The following TMTC2 variants were observed in gnomAD, a reference collection of about 807,000 sequenced individuals.
TMTC2 encodes the protein protein O-mannosyl-transferase TMTC2.
Under a neutral mutation model 82.4 loss-of-function variants are expected in TMTC2, and 43 were observed. That is an observed-to-expected ratio of 0.52 (90% confidence interval 0.41 to 0.67). The LOEUF is 0.67. TMTC2 is among the 30% of genes least tolerant of loss of function. The pLI, the probability that TMTC2 is intolerant of heterozygous loss-of-function variation, is 0.00. For synonymous variants in TMTC2, 408 were observed against 381.9 expected, an observed-to-expected ratio of 1.07 and a Z score of -0.80; for missense variants, 919 against 1,012.4, an observed-to-expected ratio of 0.91 and a Z score of 1.25.
chr12:82,802,217 A>C (rs1451292192), intron 1 of TMTC2, among the ~76,000 whole-genome samples: 1 of 152,154 alleles, frequency 6.6e-6, no homozygotes, highest in East Asian at 1.9e-4. Context: ...CTGCTGGCTC[A>C]GGTCCTAGGC....
At chr12:82,998,970 TCA>T (rs1879795463) in intron 8 of TMTC2, among the ~76,000 whole-genome samples, 1 of 152,188 alleles carries the variant, frequency 6.6e-6, no homozygotes, top group Non-Finnish European at 1.5e-5. Context: ...ATTCCCACAC[TCA>T]GTTTCCCCTA....
At chr12:83,014,532 G>T (rs905827724) in intron 8 of TMTC2, among the ~76,000 whole-genome samples, 1 of 152,106 alleles carries the variant, frequency 6.6e-6, no homozygotes, top group Non-Finnish European at 1.5e-5. Context: ...TAGAGACAGG[G>T]TTTCACATGT....
At chr12:82,978,665 G>A (rs889060030) in intron 7 of TMTC2, among the ~76,000 whole-genome samples, 1 of 151,760 alleles carries the variant, frequency 6.6e-6, no homozygotes, top group African/African-American at 2.4e-5. Flanking sequence ...GTATTCTGCA[G>A]CCATTGCAAG....
At chr12:82,983,814 A>G (rs1159260279) in intron 7 of TMTC2, among the ~76,000 whole-genome samples, 2 of 151,968 alleles carry the variant, frequency 1.3e-5, no homozygotes, top group Non-Finnish European at 2.9e-5. Flanking sequence ...ATATGTGGAT[A>G]TGTTTTCTCA....
At chr12:82,798,741 A>G (rs1878850990) in intron 1 of TMTC2, among the ~76,000 whole-genome samples, 1 of 142,154 alleles carries the variant, frequency 7.0e-6, no homozygotes, top group Non-Finnish European at 1.5e-5. Flanking sequence ...CGGAAGGCGG[A>G]GGTTGTATTG....
At position 82,811,807 on chromosome 12, in the gene TMTC2, CTTTTTTTTTT is replaced by C. The variant is rs1171596880; in HGVS notation, c.84-45186_84-45177del. On this transcript the variant is annotated intron_variant, in intron 1 of 11. Transcript: ENST00000321196. ...AAGTTTTCTTTTCCATGCTCTCCTT[CTTTTTTTTTT>C]TTTTTTTTTTTTTTTTCTGAGATGG... is the stretch of plus-strand genomic sequence containing the variant. Among the ~76,000 whole-genome samples, 186 of 91,088 alleles carry C rather than the reference CTTTTTTTTTT, an allele frequency of 2.0e-3. 1 individual carries two copies. The highest frequency in any genetic ancestry group is 7.1e-3 in the African/African-American group (159 of 22,474). The allele number at this position is 91,088 out of a possible 152,430, so 59.8% of individuals were successfully genotyped here.
chr12:83,131,543 A>G (rs1199719027), intron 11 of TMTC2, among the ~76,000 whole-genome samples: 1 of 152,144 alleles, frequency 6.6e-6, no homozygotes, highest in Non-Finnish European at 1.5e-5. Flanking sequence ...TTTCTCTGCC[A>G]TATTTTATCT....
chr12:82,724,535 G>A (rs1592875616), intron 1 of TMTC2, among the ~76,000 whole-genome samples: 1 of 152,266 alleles, frequency 6.6e-6, no homozygotes, highest in East Asian at 1.9e-4. Flanking sequence ...TGAAGAAGGT[G>A]CTTGCCTCTT....
chr12:82,926,734 G>A (rs1188193882), intron 3 of TMTC2, among the ~76,000 whole-genome samples: 1 of 152,154 alleles, frequency 6.6e-6, no homozygotes, highest in Non-Finnish European at 1.5e-5. Context: ...ACCTTCAGTA[G>A]AAGCCATTGG....
chr12:83,063,354 A>C (rs148577438), intron 11 of TMTC2, among the ~76,000 whole-genome samples: 5 of 151,658 alleles, frequency 3.3e-5, no homozygotes. Flanking sequence ...TTGGGTGGCT[A>C]TTCTGAATGC....
At chr12:83,012,229 A>G (rs1243834099) in intron 8 of TMTC2, among the ~76,000 whole-genome samples, 3 of 152,178 alleles carry the variant, frequency 2.0e-5, no homozygotes, top group Non-Finnish European at 4.4e-5. Flanking sequence ...GTATTTGTTG[A>G]ACAAAATACA....
intron 4 of TMTC2, among the ~76,000 whole-genome samples, chr12:82,944,945 C>A (rs1200050402): frequency 6.6e-6 from 1 of 152,188 alleles, no homozygotes; most frequent in Non-Finnish European, 1.5e-5. Context: ...ACTAGGAGGT[C>A]TTTGATGGCT....
At chr12:83,052,699 A>G (rs1882396381) in intron 10 of TMTC2, among the ~76,000 whole-genome samples, 1 of 152,216 alleles carries the variant, frequency 6.6e-6, no homozygotes, top group Non-Finnish European at 1.5e-5. Flanking sequence ...AGGTCTACCA[A>G]TAGAAACCCA....
Position 83,017,350 on chromosome 12 carries a change from T to A in TMTC2, c.2071-13448T>A, listed in dbSNP as rs1380830745. On this transcript the variant is annotated intron_variant, in intron 8 of 11. Transcript: ENST00000321196. Reference sequence around the variant, plus strand: ...GGAAGGGGGTGCTGTTATAAATACATTGAAACAGTGGGCATAGACAGAGCA... The same window carrying A: ...GGAAGGGGGTGCTGTTATAAATACAATGAAACAGTGGGCATAGACAGAGCA... 3.9e-5 allele frequency among the ~76,000 whole-genome samples: 6 copies of A among 152,132 alleles called. No individual in the cohort carries two copies. In the East Asian group the frequency reaches 9.6e-4, roughly 24 times the overall value.
At chr12:82,770,606 G>A (rs1341783872) in intron 1 of TMTC2, among the ~76,000 whole-genome samples, 5 of 151,880 alleles carry the variant, frequency 3.3e-5, no homozygotes, top group African/African-American at 9.7e-5. Flanking sequence ...GATTTGTCCC[G>A]AGCACTTAAT....
intron 8 of TMTC2, chr12:83,021,885 C>T (rs1173480840): frequency 6.6e-6 from 1 of 152,102 alleles, no homozygotes; most frequent in Non-Finnish European, 1.5e-5. Context: ...TCAAAAGACA[C>T]TCCAGGGCTC....
chr12:83,063,773 C>T (rs1253534861), intron 11 of TMTC2, among the ~76,000 whole-genome samples: 1 of 151,862 alleles, frequency 6.6e-6, no homozygotes, highest in African/African-American at 2.4e-5. Flanking sequence ...GGCTATACAG[C>T]AGTGAACAAA....
At chr12:82,696,569 CCTCT>C (rs1452079105) in intron 1 of TMTC2, among the ~76,000 whole-genome samples, 3 of 152,136 alleles carry the variant, frequency 2.0e-5, no homozygotes, top group African/African-American at 7.2e-5. Flanking sequence ...CTTCCTTTCA[CCTCT>C]CTATTTAAGT....
Position 82,822,766 on chromosome 12 carries a change from A to G in TMTC2, c.84-34244A>G, listed in dbSNP as rs144358006. 5.4e-3 allele frequency among the ~76,000 whole-genome samples: 829 copies of G among 152,290 alleles called. 11 individuals are homozygous for G. The highest frequency in any genetic ancestry group is 0.019 in the African/African-American group (790 of 41,564). On this transcript the variant is annotated intron_variant, in intron 1 of 11. Coordinates refer to ENST00000321196, the MANE Select transcript of TMTC2 (RefSeq NM_152588.3). ...CTAAAAATAGGTGATATTTTCCTGA[A>G]ATCATTTGATAAAAATACCTGTGAC... is the stretch of plus-strand genomic sequence containing the variant.
Sources: gnomAD v4.1 joint callset for allele counts (sites outside exome capture counted in the v4.1 genomes callset) on GRCh38, gnomAD v4.1.1 for gene constraint, MANE v1.5 for transcripts, NCBI Gene and HGNC (gene_info 2026-07-23, HGNC 2026-07-21) for gene names.